Variants in ADGRL2 observed in about 807,000 individuals in gnomAD.
ADGRL2 encodes the protein calcium-independent alpha-latrotoxin receptor 2.
A neutral mutation model predicts 157.4 loss-of-function variants in ADGRL2; 44 were observed. The ratio of observed to expected loss-of-function variants is 0.28; its 90% CI spans 0.22 to 0.36. The LOEUF is 0.36. Ranked by LOEUF, ADGRL2 falls within the 10% of genes least tolerant of loss-of-function variation. ADGRL2 has a pLI of 1.00. For missense variants in ADGRL2, 1,510 were observed against 1,768.9 expected (o/e 0.85, Z 2.63); for synonymous variants, 585 against 624.7 (o/e 0.94, Z 0.95).
intron 1 of ADGRL2, among the ~76,000 whole-genome samples, chr1:81,733,106 A>G (rs2084779524): frequency 6.6e-6 from 1 of 152,214 alleles, no homozygotes; most frequent in African/African-American, 2.4e-5. Flanking sequence ...TTGCTGCAAA[A>G]GGTGATACTG....
chr1:81,669,542 C>CT (rs2082823553), intron 3 of ADGRL2, among the ~76,000 whole-genome samples: 1 of 152,074 alleles, frequency 6.6e-6, no homozygotes, highest in Non-Finnish European at 1.5e-5. Flanking sequence ...CCTCATGAAG[C>CT]TTATAATCTA....
chr1:81,307,020 A>G (rs150249199), intron 1 of ADGRL2, among the ~76,000 whole-genome samples: 3 of 152,346 alleles, frequency 2.0e-5, no homozygotes, highest in African/African-American at 7.2e-5. Flanking sequence ...TATTGCTAAC[A>G]GGCCTGTCAG....
chr1:81,841,875 C>A (rs1376838491), intron 2 of ADGRL2, among the ~76,000 whole-genome samples: 1 of 152,050 alleles, frequency 6.6e-6, no homozygotes, highest in Non-Finnish European at 1.5e-5. Context: ...AGACAATGAG[C>A]AGTTGTAATA....
Position 81,321,606 on chromosome 1 carries a change from A to G in ADGRL2, c.-302+15097A>G, listed in dbSNP as rs111861694. Among the ~76,000 whole-genome samples, 375 of 152,304 alleles carry G rather than the reference A, an allele frequency of 2.5e-3. 2 individuals carry two copies. Among genetic ancestry groups the G allele is most frequent in the African/African-American group, 8.5e-3 (355 of 41,564 alleles). On this transcript the variant is annotated intron_variant, in intron 1 of 24. Transcript: ENST00000370721. ...AGGGAGAGAGACCAGTGGATGAGCA[A>G]CTGGAGAATACCCTGTCAATAGAGC...
At chr1:81,874,650 C>CTGTCG (rs1326183260) in intron 2 of ADGRL2, among the ~76,000 whole-genome samples, 4 of 151,210 alleles carry the variant, frequency 2.6e-5, no homozygotes, top group Non-Finnish European at 5.9e-5. Flanking sequence ...CTGTCCTGTC[C>CTGTCG]TGTCCTGTCC....
intron 1 of ADGRL2, among the ~76,000 whole-genome samples, chr1:81,753,255 G>A (rs942293308): frequency 3.9e-5 from 6 of 152,210 alleles, no homozygotes; most frequent in Non-Finnish European, 7.3e-5. Flanking sequence ...GCAAGAAGGA[G>A]CAAGTCACAT....
At chr1:81,757,837 C>A (rs892691057) in intron 1 of ADGRL2, among the ~76,000 whole-genome samples, 4 of 152,152 alleles carry the variant, frequency 2.6e-5, no homozygotes, top group Admixed American at 6.6e-5. Flanking sequence ...AAGCTCCAAG[C>A]GGCGGCACTG....
chr1:81,820,412 TA>T (rs1557705774), intron 1 of ADGRL2, among the ~76,000 whole-genome samples: 2 of 152,164 alleles, frequency 1.3e-5, no homozygotes, highest in Non-Finnish European at 2.9e-5. Flanking sequence ...CAGTGCTTAA[TA>T]AAGCTTCATA....
chr1:81,955,005 A>G (rs1030987398), intron 10 of ADGRL2, among the ~76,000 whole-genome samples: 7 of 152,202 alleles, frequency 4.6e-5, no homozygotes, highest in African/African-American at 1.7e-4. Context: ...TTTCCAAAGC[A>G]TAGTCAGTGC....
chr1:81,705,040 TC>T (rs1411707523), intron 1 of ADGRL2, among the ~76,000 whole-genome samples: 4 of 152,226 alleles, frequency 2.6e-5, no homozygotes, highest in South Asian at 2.1e-4. Flanking sequence ...GTTGTTGTTT[TC>T]TTTTAATTTT....
intron 3 of ADGRL2, among the ~76,000 whole-genome samples, chr1:81,605,397 T>C (rs964757263): frequency 6.6e-6 from 1 of 152,162 alleles, no homozygotes; most frequent in Non-Finnish European, 1.5e-5. Context: ...CCCACAATTA[T>C]AATAGTTATA....
intron 3 of ADGRL2, among the ~76,000 whole-genome samples, chr1:81,924,392 G>C (rs2095057010): frequency 6.6e-6 from 1 of 152,124 alleles, no homozygotes; most frequent in Non-Finnish European, 1.5e-5. Context: ...TTGCTAGTGT[G>C]CTAGCTGTTT....
chr1:81,780,954 C>T (rs558072519), intron 2 of ADGRL2, among the ~76,000 whole-genome samples: 5 of 152,128 alleles, frequency 3.3e-5, no homozygotes, highest in Non-Finnish European at 5.9e-5. Flanking sequence ...TCCTCTTAAC[C>T]TTTCTGATTT....
At chr1:81,966,209 G>T in intron 12 of ADGRL2, 26 bp downstream of exon 12, 1 of 1,613,466 alleles carries the variant, frequency 6.2e-7, no homozygotes, top group Middle Eastern at 1.7e-4. Flanking sequence ...TTTAAAAATT[G>T]ACAGTTTTTG....
Position 81,562,995 on chromosome 1 carries a change from G to C in ADGRL2, c.-247-17881G>C, listed in dbSNP as rs192133873. 1.5e-3 allele frequency among the ~76,000 whole-genome samples: 229 copies of C among 152,076 alleles called. 1 individual carries two copies. Among genetic ancestry groups the C allele is most frequent in the Middle Eastern group, 6.8e-3 (2 of 294 alleles). The stretch of plus-strand genomic sequence containing the variant: ...ACCAAAGCTTAACTTTTTTGACTTT[G>C]ATTTGTGAAAGCTTATTGCTAGGTG... On this transcript the variant is annotated intron_variant, in intron 2 of 24. Coordinates refer to the ADGRL2 transcript ENST00000370721.
chr1:81,902,363 C>T (rs750013516), intron 2 of ADGRL2, among the ~76,000 whole-genome samples: 12 of 152,092 alleles, frequency 7.9e-5, no homozygotes, highest in Non-Finnish European at 1.5e-4. Context: ...TTTAGGAGGC[C>T]AAAGTGGGCA....
intron 3 of ADGRL2, among the ~76,000 whole-genome samples, chr1:81,638,732 A>T (rs192160777): frequency 1.3e-5 from 2 of 152,218 alleles, no homozygotes; most frequent in African/African-American, 4.8e-5. Context: ...AAATTATTCA[A>T]TTAAAACCAC....
At chr1:81,962,307 A>G (rs1354043785) in intron 11 of ADGRL2, among the ~76,000 whole-genome samples, 1 of 151,936 alleles carries the variant, frequency 6.6e-6, no homozygotes. Flanking sequence ...TTTATTACCT[A>G]TGTTAGTTTT....
At chr1:81,594,210 C>T (rs1343233432) in intron 3 of ADGRL2, among the ~76,000 whole-genome samples, 3 of 152,130 alleles carry the variant, frequency 2.0e-5, no homozygotes, top group African/African-American at 7.2e-5. Flanking sequence ...TTATAAATCA[C>T]TGCTCAATAA....
Sources: allele counts gnomAD v4.1 joint callset (sites outside exome capture counted in the v4.1 genomes callset), GRCh38; gene constraint gnomAD v4.1.1; transcripts MANE v1.5; gene names NCBI Gene and HGNC (gene_info 2026-07-23, HGNC 2026-07-21).